Variants in LZTS1 observed in about 807,000 individuals in gnomAD.
LZTS1 encodes the protein leucine zipper tumor suppressor 1.
LZTS1 carries 31 observed loss-of-function variants against 45.8 expected under a neutral mutation model. That is an observed-to-expected ratio of 0.68 (90% CI 0.51 to 0.91). LZTS1 has a LOEUF of 0.91. Ranked by LOEUF, LZTS1 falls within the 40% of genes least tolerant of loss-of-function variation. The pLI, the probability that LZTS1 is intolerant of heterozygous loss-of-function variation, is 0.00. For synonymous variants in LZTS1, 359 were observed against 357.3 expected (o/e 1.00, Z -0.05); for missense variants, 821 against 788.9 (o/e 1.04, Z -0.49).
chr8:20,268,593 C>T (rs1232771491), intron 1 of LZTS1, among the ~76,000 whole-genome samples: 1 of 152,146 alleles, frequency 6.6e-6, no homozygotes. Flanking sequence ...GCCCAGGCTG[C>T]AAACCTCCCC....
chr8:20,273,042 A>T (rs1476397484), intron 1 of LZTS1, among the ~76,000 whole-genome samples: 1 of 152,098 alleles, frequency 6.6e-6, no homozygotes. Context: ...TGGCTCTTCA[A>T]TCCACAGAGG....
chr8:20,275,312 G>C (rs1800557133), intron 1 of LZTS1, among the ~76,000 whole-genome samples: 1 of 149,510 alleles, frequency 6.7e-6, no homozygotes, highest in South Asian at 2.1e-4. Context: ...TGAGGCAGGA[G>C]AATCACTTGA....
rs1391304883 is a variant in LZTS1 at position 20,253,454 on chromosome 8, C to T, written c.477G>A (p.Glu159=). Residue 159 remains glutamate (E), a synonymous_variant, in exon 3 of 4, where the codon GAG becomes GAA. Transcript: ENST00000381569. ...LHPAPPDKPK[E]QELKPGLCSG... ...AGCACAGGCCAGGCTTCAGCTCCTGCTCCTTGGGCTTGTCTGGAGGGGCGG... is the reference window on the plus strand; with the variant it reads ...AGCACAGGCCAGGCTTCAGCTCCTGTTCCTTGGGCTTGTCTGGAGGGGCGG... 1 of 1,610,456 alleles carries T rather than the reference C, an allele frequency of 6.2e-7. No individual in the cohort carries two copies. The highest frequency in any genetic ancestry group is 8.5e-7 in the Non-Finnish European group (1 of 1,178,622).
chr8:20,256,117 A>G (rs189952459), intron 1 of LZTS1, among the ~76,000 whole-genome samples: 2 of 151,430 alleles, frequency 1.3e-5, no homozygotes, highest in African/African-American at 4.8e-5. Flanking sequence ...GGTGCAAGTC[A>G]TATGAAAATC....
At position 20,246,306 on chromosome 8, in the gene LZTS1, G is replaced by C. The variant is rs1799727347; in HGVS notation, c.*3416C>G. 1 of 152,444 alleles carries C rather than the reference G, an allele frequency of 6.6e-6. No individual in the cohort carries two copies. The highest frequency in any genetic ancestry group is 2.4e-5 in the African/African-American group (1 of 41,458). 9.4% of individuals were successfully genotyped at this position (152,444 alleles called of 1,614,324 possible). The stretch of plus-strand genomic sequence containing the variant: ...CAAACCAAACAAGAAACCACAAAGA[G>C]AAAAATAACTATGTACATCTTCCAG... On this transcript the variant is annotated 3_prime_UTR_variant, in exon 4 of 4. Transcript: ENST00000381569.
Position 20,249,560 on chromosome 8 carries a change from G to C in LZTS1, c.*162C>G. On this transcript the variant is annotated 3_prime_UTR_variant, in exon 4 of 4. Transcript: ENST00000381569. ...GGCTGGTGAGCACTGGGACATCAGAGAGGGAAGGAAAGGCCATCCTGCCCT... is the reference window on the plus strand; with the variant it reads ...GGCTGGTGAGCACTGGGACATCAGACAGGGAAGGAAAGGCCATCCTGCCCT... 1.2e-6 allele frequency: 1 copy of C among 825,642 alleles called. No homozygotes were observed. The highest frequency in any genetic ancestry group is 2.7e-5 in the East Asian group (1 of 37,194). The allele number at this position is 825,642 out of a possible 1,614,324, so 51.1% of individuals were successfully genotyped here. A position where few individuals can be genotyped will look rare whatever the true frequency, so the allele number is the denominator to read the frequency against.
At chr8:20,280,803 T>C (rs1355496875) in intron 1 of LZTS1, among the ~76,000 whole-genome samples, 4 of 152,178 alleles carry the variant, frequency 2.6e-5, no homozygotes, top group Non-Finnish European at 5.9e-5. Flanking sequence ...CAGCCAGTTC[T>C]GGGAGCTGCA....
Position 20,255,107 on chromosome 8 carries a change from C to A in LZTS1, c.75G>T (p.Leu25=), listed in dbSNP as rs745672567. 6.2e-7 allele frequency: 1 copy of A among 1,614,206 alleles called. No individual in the cohort carries two copies. The highest frequency in any genetic ancestry group is 1.7e-5 in the Admixed American group (1 of 60,026). ...GCTTCTTGAGGTGGGAGGACTTGCG[C>A]AGCTTGTACTGCGAAGCCCGGCAGT... The part of the protein sequence containing the change: ...SKHCRASQYK[L]RKSSHLKKLN... The change falls in exon 2 of 4, where the codon CTG becomes CTT. Residue 25 remains leucine, a synonymous_variant. Transcript: ENST00000381569.
chr8:20,292,148 G>C (rs543827651), intron 1 of LZTS1, among the ~76,000 whole-genome samples: 1 of 152,256 alleles, frequency 6.6e-6, no homozygotes, highest in Non-Finnish European at 1.5e-5. Context: ...CGGGTACCAG[G>C]CTGAGGAATC....
intron 1 of LZTS1, among the ~76,000 whole-genome samples, chr8:20,265,906 G>A (rs1329917846): frequency 2.0e-5 from 3 of 152,078 alleles, no homozygotes; most frequent in African/African-American, 7.2e-5. Flanking sequence ...ACTTTTCAGG[G>A]GTGAAAGTCT....
intron 1 of LZTS1, among the ~76,000 whole-genome samples, chr8:20,272,642 G>A (rs1189323026): frequency 6.6e-6 from 1 of 152,106 alleles, no homozygotes; most frequent in African/African-American, 2.4e-5. Flanking sequence ...CACACTCCCT[G>A]CAGACAACTT....
Position 20,253,548 on chromosome 8 carries a change from T to G in LZTS1, c.383A>C (p.Lys128Thr), listed in dbSNP as rs776210410. Residue 128 changes from lysine to threonine, a missense_variant, in exon 3 of 4, where the codon AAG becomes ACG. Lys to Thr is a moderately conservative substitution (Grantham distance 78). Transcript: ENST00000381569. Reference sequence around the variant, plus strand: ...GGCTCCTGACCGTGGCAGCACAGGCTTGAAGGCTGTGGGCCTCACTGCACC... The same window carrying G: ...GGCTCCTGACCGTGGCAGCACAGGCGTGAAGGCTGTGGGCCTCACTGCACC... ...EKGAVRPTAF[K>T]PVLPRSGAIL... The G allele has an allele frequency of 6.7e-7, 1 of 1,499,844 alleles. No homozygotes were observed. Among genetic ancestry groups the G allele is most frequent in the East Asian group, 2.4e-5 (1 of 42,084 alleles). 92.9% of individuals were successfully genotyped at this position (1,499,844 alleles called of 1,614,324 possible).
chr8:20,286,868 A>G (rs116197168), intron 1 of LZTS1, among the ~76,000 whole-genome samples: 1,632 of 152,312 alleles, frequency 0.011, 35 homozygotes, highest in African/African-American at 0.038. Context: ...CGTTCTGTGC[A>G]ATTCCATTCA....
intron 3 of LZTS1, 94 bp from the exon 4 acceptor site, chr8:20,250,457 C>G: frequency 7.8e-7 from 1 of 1,289,680 alleles, no homozygotes; most frequent in Non-Finnish European, 1.0e-6. Flanking sequence ...CAAGCCACTC[C>G]GGATGCGGTG....
chr8:20,273,339 G>A (rs535735879), intron 1 of LZTS1, among the ~76,000 whole-genome samples: 2 of 152,156 alleles, frequency 1.3e-5, no homozygotes, highest in East Asian at 1.9e-4. Context: ...CCTTCTGCAC[G>A]GCGTCAGCTG....
Position 20,253,021 on chromosome 8 carries a change from C to T in LZTS1, c.910G>A (p.Asp304Asn), listed in dbSNP as rs752106085. ...AYEERPRRCR[D>N]ELEGPEPKGG... ...TTGGGCTCCGGGCCCTCCAGCTCGTCCCTGCAGCGCCGCGGCCGCTCCTCG... is the reference window on the plus strand; with the variant it reads ...TTGGGCTCCGGGCCCTCCAGCTCGTTCCTGCAGCGCCGCGGCCGCTCCTCG... Residue 304 changes from aspartate to asparagine, a missense_variant, in exon 3 of 4, where the codon GAC becomes AAC. Coordinates refer to ENST00000381569, the MANE Select transcript of LZTS1 (RefSeq NM_021020.5). 19 of 1,598,336 alleles carry T rather than the reference C, an allele frequency of 1.2e-5. No individual in the cohort carries two copies. Among genetic ancestry groups the T allele is most frequent in the Non-Finnish European group, 1.5e-5 (18 of 1,173,946 alleles).
intron 1 of LZTS1, among the ~76,000 whole-genome samples, chr8:20,293,031 T>A (rs1800924841): frequency 6.6e-6 from 1 of 152,140 alleles, no homozygotes; most frequent in South Asian, 2.1e-4. Flanking sequence ...CTTCCCTCTC[T>A]TTGAAGCCTC....
At chr8:20,293,643 TAGAA>T (rs1800936773) in intron 1 of LZTS1, among the ~76,000 whole-genome samples, 1 of 152,126 alleles carries the variant, frequency 6.6e-6, no homozygotes, top group African/African-American at 2.4e-5. Context: ...GGAGCTGAAA[TAGAA>T]AGAGATGGAG....
At chr8:20,280,056 G>A (rs1800658290) in intron 1 of LZTS1, among the ~76,000 whole-genome samples, 1 of 151,796 alleles carries the variant, frequency 6.6e-6, no homozygotes, top group Non-Finnish European at 1.5e-5. Flanking sequence ...AATTGCTACT[G>A]ACCGAGAAAA....
Sources: allele counts gnomAD v4.1 joint callset (sites outside exome capture counted in the v4.1 genomes callset), GRCh38; gene constraint gnomAD v4.1.1; transcripts MANE v1.5; gene names NCBI Gene and HGNC (gene_info 2026-07-23, HGNC 2026-07-21).